The following NLN variants were observed in gnomAD, a reference collection of about 807,000 sequenced individuals.
The protein encoded by NLN is neurolysin, mitochondrial.
A neutral mutation model predicts 79.9 loss-of-function variants in NLN; 64 were observed. The observed-to-expected ratio is 0.80, with a 90% CI of 0.65 to 0.99. The LOEUF is 0.99. NLN is among the 50% of genes least tolerant of loss of function. NLN has a pLI of 0.00. For synonymous variants in NLN, 267 were observed against 296.6 expected (o/e 0.90, Z 1.02); for missense variants, 835 against 858.7 (o/e 0.97, Z 0.34).
At position 65,810,110 on chromosome 5, in the gene NLN, T is replaced by C; in HGVS notation, c.1788T>C (p.Ala596=). ...QSLHTNTSLD[A]ASEYAKYCSE... ...TTCATACCAACACATCGCTGGATGC[T>C]GCAAGTGAATATGCCAAATACTGCT... Residue 596 remains alanine, a synonymous_variant, in exon 11 of 13, where the codon GCT becomes GCC. Coordinates refer to ENST00000380985, the MANE Select transcript of NLN (RefSeq NM_020726.5). 6.2e-7 allele frequency: 1 copy of C among 1,613,990 alleles called. No individual in the cohort carries two copies.
At chr5:65,731,177 C>T (rs2561213) in intron 1 of NLN, among the ~76,000 whole-genome samples, 36,028 of 152,132 alleles carry the variant, frequency 0.24, 4,408 homozygotes, top group African/African-American at 0.27. Flanking sequence ...TCCAAGAAGC[C>T]ACCTCTGGCT....
rs761722243 is a variant in NLN, at chr5:65,731,742, C to CTTTTT, written c.41+9350_41+9354dup. On this transcript the variant is annotated intron_variant, in intron 1 of 12. Coordinates refer to ENST00000380985, the MANE Select transcript of NLN (RefSeq NM_020726.5). ...GTATTTTAAAAATCACCTACATTTT[C>CTTTTT]TTTTTTTTTTTTTTTTTTTTTTTTT... Among the ~76,000 whole-genome samples, 14 of 61,988 alleles carry CTTTTT rather than the reference C, an allele frequency of 2.3e-4. 4 individuals are homozygous for CTTTTT. The highest frequency in any genetic ancestry group is 1.2e-3 in the South Asian group (2 of 1,678). The allele number at this position is 61,988 out of a possible 152,430, so 40.7% of individuals were successfully genotyped here. A position where few individuals can be genotyped will look rare whatever the true frequency, so the allele number is the denominator to read the frequency against.
chr5:65,768,317 GC>G, intron 3 of NLN, among the ~76,000 whole-genome samples: 1 of 152,258 alleles, frequency 6.6e-6, no homozygotes, highest in South Asian at 2.1e-4. Context: ...GCAGAAGGAA[GC>G]AAGGTACATC....
intron 4 of NLN, chr5:65,779,917 T>A (rs1186042320): frequency 3.6e-6 from 1 of 278,392 alleles, no homozygotes; most frequent in Non-Finnish European, 6.6e-6. Context: ...AAATGAGTTG[T>A]TTTTTTCAAA....
At position 65,822,281 on chromosome 5, in the gene NLN, C is replaced by T. The variant is rs537453469; in HGVS notation, c.1981-500C>T. Among the ~76,000 whole-genome samples, 41 of 152,328 alleles carry T rather than the reference C, an allele frequency of 2.7e-4. No individual in the cohort carries two copies. The South Asian group carries it at 5.4e-3, about 20-fold the overall frequency. ...GCCCTCCCCTGCGGGGCACGTACAG[C>T]CCTTCTTCTCTCATCCATAAGGAAG... On this transcript the variant is annotated intron_variant, in intron 12 of 12. Coordinates refer to ENST00000380985, the MANE Select transcript of NLN (RefSeq NM_020726.5).
chr5:65,736,524 T>C (rs1225642836), intron 1 of NLN, among the ~76,000 whole-genome samples: 1 of 152,224 alleles, frequency 6.6e-6, no homozygotes, highest in Non-Finnish European at 1.5e-5. Flanking sequence ...TTTACTTCCT[T>C]CTCTCCATAT....
intron 8 of NLN, among the ~76,000 whole-genome samples, chr5:65,791,596 A>G (rs1185854135): frequency 2.6e-5 from 4 of 151,982 alleles, no homozygotes; most frequent in African/African-American, 9.7e-5. Flanking sequence ...GGTGTTGTAT[A>G]TATGTAATAC....
intron 1 of NLN, among the ~76,000 whole-genome samples, chr5:65,748,310 A>G (rs1759029756): frequency 6.6e-6 from 1 of 152,198 alleles, no homozygotes; most frequent in Admixed American, 6.5e-5. Context: ...TCTAAGGGAG[A>G]TGGAAAACTA....
intron 1 of NLN, among the ~76,000 whole-genome samples, chr5:65,744,225 TG>T (rs2150739268): frequency 6.6e-6 from 1 of 152,270 alleles, no homozygotes; most frequent in East Asian, 1.9e-4. Context: ...CTTGAACTTC[TG>T]GGCTCAAGTG....
At chr5:65,802,605 C>T (rs373476950) in intron 9 of NLN, among the ~76,000 whole-genome samples, 14 of 152,196 alleles carry the variant, frequency 9.2e-5, no homozygotes, top group African/African-American at 3.4e-4. Flanking sequence ...CCCCACCATT[C>T]GGCAGGTCCC....
rs1464179746 is a variant in NLN at position 65,828,600 on chromosome 5, TGAG to T, written c.*5691_*5693del. On this transcript the variant is annotated 3_prime_UTR_variant, in exon 13 of 13. Coordinates refer to ENST00000380985, the MANE Select transcript of NLN (RefSeq NM_020726.5). ...CCATTAGAGAAACGGTTGGAAAATA[TGAG>T]GAGGATTTAGTTCAGTACGAGGAAG... 1 of 152,094 alleles carries T rather than the reference TGAG, an allele frequency of 6.6e-6. No homozygotes were observed. Among genetic ancestry groups the T allele is most frequent in the African/African-American group, 2.4e-5 (1 of 41,388 alleles). 9.4% of individuals were successfully genotyped at this position (152,094 alleles called of 1,614,324 possible).
At chr5:65,724,907 T>C (rs1758428948) in intron 1 of NLN, among the ~76,000 whole-genome samples, 1 of 151,104 alleles carries the variant, frequency 6.6e-6, no homozygotes, top group South Asian at 2.1e-4. Context: ...GTTCACGCCA[T>C]TCCCCTGCCT....
At chr5:65,729,887 A>G (rs1758568293) in intron 1 of NLN, among the ~76,000 whole-genome samples, 1 of 152,222 alleles carries the variant, frequency 6.6e-6, no homozygotes, top group Non-Finnish European at 1.5e-5. Flanking sequence ...CGCATTGCAA[A>G]GTGCATGTAG....
In NLN at chr5:65,777,550, C is replaced by A; in HGVS notation, c.558+16C>A. 2.1e-6 allele frequency: 3 copies of A among 1,416,508 alleles called. No homozygotes were observed. The highest frequency in any genetic ancestry group is 2.9e-6 in the Non-Finnish European group (3 of 1,019,670). 87.7% of individuals were successfully genotyped at this position (1,416,508 alleles called of 1,614,324 possible). On this transcript the variant is annotated intron_variant, in intron 4 of 12. Coordinates refer to ENST00000380985, the MANE Select transcript of NLN (RefSeq NM_020726.5). ...AGTACAGAATGTGAGTTTATGTTTT[C>A]TTTTCTTATCAGAAAAAAAAAATGA...
chr5:65,802,966 GT>G (rs1370522383), intron 9 of NLN, among the ~76,000 whole-genome samples: 1 of 151,492 alleles, frequency 6.6e-6, no homozygotes, highest in East Asian at 1.9e-4. Flanking sequence ...ACAGCTGATC[GT>G]CCCGATGTCT....
intron 10 of NLN, 134 bp from the exon 11 acceptor site, chr5:65,809,903 T>A: frequency 9.0e-7 from 1 of 1,108,754 alleles, no homozygotes; most frequent in Non-Finnish European, 1.3e-6. Context: ...TTTTAAATCT[T>A]AAGTAGAATG....
intron 1 of NLN, among the ~76,000 whole-genome samples, chr5:65,738,236 A>G (rs1361072394): frequency 6.6e-6 from 1 of 152,102 alleles, no homozygotes; most frequent in Non-Finnish European, 1.5e-5. Context: ...AGTACCACAG[A>G]GTGGAGAGAT....
chr5:65,817,715 A>G lies in NLN; in HGVS notation c.1981-5066A>G, dbSNP rs146401888. On this transcript the variant is annotated intron_variant, in intron 12 of 12. Transcript: ENST00000380985. The stretch of plus-strand genomic sequence containing the variant: ...AAATTCAAGAGAGTTAAGTGTAACT[A>G]TATTTCAGTCTGTAATGCCATAAGG... Among the ~76,000 whole-genome samples, 28 of 152,332 alleles carry G rather than the reference A, an allele frequency of 1.8e-4. No homozygotes were observed. The East Asian group carries it at 4.6e-3, about 25-fold the overall frequency.
intron 12 of NLN, among the ~76,000 whole-genome samples, chr5:65,813,546 A>C (rs1760601598): frequency 1.3e-5 from 2 of 151,510 alleles, no homozygotes; most frequent in Non-Finnish European, 2.9e-5. Context: ...CTGTGGTCCA[A>C]CTCCATTCCC....
Sources: gnomAD v4.1 joint callset for allele counts (sites outside exome capture counted in the v4.1 genomes callset) on GRCh38, gnomAD v4.1.1 for gene constraint, MANE v1.5 for transcripts, NCBI Gene and HGNC (gene_info 2026-07-23, HGNC 2026-07-21) for gene names.